The following LARGE1 variants were observed in gnomAD, a reference collection of about 807,000 sequenced individuals.
LARGE1 encodes xylosyl- and glucuronyltransferase LARGE1.
A neutral mutation model predicts 87.6 loss-of-function variants in LARGE1; 43 were observed. The ratio of observed to expected loss-of-function variants is 0.49; its 90% CI spans 0.38 to 0.63. The LOEUF (loss-of-function observed/expected upper bound fraction) is 0.63. LARGE1 is among the 30% of genes least tolerant of loss of function. The pLI is 0.00. For missense variants in LARGE1, 802 were observed against 1,000.2 expected (o/e 0.80, Z 2.67); for synonymous variants, 434 against 394.6 (o/e 1.10, Z -1.18).
intron 9 of LARGE1, among the ~76,000 whole-genome samples, chr22:33,379,845 G>T (rs957513915): frequency 5.3e-5 from 8 of 152,224 alleles, no homozygotes; most frequent in Admixed American, 3.3e-4. Context: ...ATAAACTCAG[G>T]TATAACCCAA....
At chr22:33,308,709 A>C (rs1935219752) in intron 11 of LARGE1, among the ~76,000 whole-genome samples, 1 of 152,102 alleles carries the variant, frequency 6.6e-6, no homozygotes, top group Admixed American at 6.5e-5. Flanking sequence ...TAGCCAGACA[A>C]ACCCCCGAAA....
chr22:33,378,474 C>T (rs1306083722), intron 9 of LARGE1, among the ~76,000 whole-genome samples: 1 of 152,158 alleles, frequency 6.6e-6, no homozygotes. Context: ...TTCTTGTGGG[C>T]CTAAGGTCCT....
At chr22:33,847,201 T>C (rs1473142992) in intron 1 of LARGE1, among the ~76,000 whole-genome samples, 1 of 152,190 alleles carries the variant, frequency 6.6e-6, no homozygotes, top group African/African-American at 2.4e-5. Context: ...AGAACCTACG[T>C]GACTATCGGG....
At chr22:33,635,684 C>T (rs977370701) in intron 3 of LARGE1, among the ~76,000 whole-genome samples, 28 of 152,224 alleles carry the variant, frequency 1.8e-4, no homozygotes, top group Non-Finnish European at 1.9e-4. Context: ...GACAAAGTGA[C>T]GGGTTGAATT....
At chr22:33,446,262 A>T (rs2067683974) in intron 6 of LARGE1, among the ~76,000 whole-genome samples, 1 of 152,190 alleles carries the variant, frequency 6.6e-6, no homozygotes. Context: ...CATAGCTCAC[A>T]TCTCTTCCAT....
the LARGE1 span, among the ~76,000 whole-genome samples, chr22:33,091,559 CAAATAAATAAATAAAT>C: frequency 1.4e-5 from 2 of 140,586 alleles, no homozygotes; most frequent in East Asian, 2.1e-4. Flanking sequence ...GACTCCATCT[CAAATAAATAAATAAAT>C]AAATAAATAA....
At chr22:33,725,759 A>T (rs972261057) in intron 2 of LARGE1, 5 of 152,212 alleles carry the variant, frequency 3.3e-5, no homozygotes, top group African/African-American at 4.8e-5. Flanking sequence ...TATATACAGT[A>T]AGCACCAAAT....
chr22:33,345,275 T>G (rs886140612), intron 9 of LARGE1, among the ~76,000 whole-genome samples: 2 of 152,118 alleles, frequency 1.3e-5, no homozygotes, highest in Non-Finnish European at 2.9e-5. Flanking sequence ...AGCTAGAAAG[T>G]AGGAGAGTCA....
intron 10 of LARGE1, among the ~76,000 whole-genome samples, chr22:33,319,624 G>A (rs560383258): frequency 6.6e-6 from 1 of 152,240 alleles, no homozygotes; most frequent in South Asian, 2.1e-4. Flanking sequence ...TTGAACTCCT[G>A]ACCTCAGGCA....
chr22:33,412,516 T>A lies in LARGE1; in HGVS notation c.892+19645A>T, dbSNP rs533322422. 2.2e-4 allele frequency among the ~76,000 whole-genome samples: 33 copies of A among 152,246 alleles called. 1 individual carries two copies. In the South Asian group the frequency reaches 6.8e-3, roughly 32 times the overall value. ...GCATGGCATTCCCGCCATACAGACA[T>A]GGCAGACGCAAACAACCTTAGAAGC... is the stretch of plus-strand genomic sequence containing the variant. On this transcript the variant is annotated intron_variant, in intron 7 of 14. Coordinates refer to ENST00000397394, the MANE Select transcript of LARGE1 (RefSeq NM_133642.5).
intron 11 of LARGE1, among the ~76,000 whole-genome samples, chr22:33,220,700 A>G (rs1280696194): frequency 2.0e-5 from 3 of 152,168 alleles, no homozygotes; most frequent in Non-Finnish European, 2.9e-5. Flanking sequence ...CCCATTGACT[A>G]CTGGGAGTCT....
At chr22:33,837,281 C>T (rs2063137979) in intron 1 of LARGE1, among the ~76,000 whole-genome samples, 1 of 143,488 alleles carries the variant, frequency 7.0e-6, no homozygotes, top group African/African-American at 2.5e-5. Flanking sequence ...CACACACACA[C>T]CTATACATAC....
At chr22:33,205,843 G>A (rs1157729346) in intron 11 of LARGE1, among the ~76,000 whole-genome samples, 2 of 151,784 alleles carry the variant, frequency 1.3e-5, no homozygotes, top group Non-Finnish European at 2.9e-5. Flanking sequence ...GCAATGGCCC[G>A]ATCTCTGCTC....
In LARGE1 at chr22:33,333,740, A is replaced by C. The variant is rs528696074; in HGVS notation, c.1287+3906T>G. ...ACAGTACAAAGTCTTTAAGAGTCTTATGTTTTGGTATTACATTTATGAAAA... is the reference window on the plus strand; with the variant it reads ...ACAGTACAAAGTCTTTAAGAGTCTTCTGTTTTGGTATTACATTTATGAAAA... On this transcript the variant is annotated intron_variant, in intron 10 of 14. Transcript: ENST00000397394. Among the ~76,000 whole-genome samples, 4 of 152,294 alleles carry C rather than the reference A, an allele frequency of 2.6e-5. No individual in the cohort carries two copies. The East Asian group carries it at 5.8e-4, about 22-fold the overall frequency.
intron 10 of LARGE1, among the ~76,000 whole-genome samples, chr22:33,332,182 T>C (rs1937804563): frequency 6.6e-6 from 1 of 152,160 alleles, no homozygotes; most frequent in African/African-American, 2.4e-5. Context: ...CTCCCATAAT[T>C]GCTACATGTT....
chr22:33,511,594 C>T lies in LARGE1; in HGVS notation c.787+53254G>A, dbSNP rs142844101. On this transcript the variant is annotated intron_variant, in intron 6 of 14. Coordinates refer to ENST00000397394, the MANE Select transcript of LARGE1 (RefSeq NM_133642.5). ...CCCCAGCAGCTGTGATGTTTGCAGACCCTATGACAGGGATGGAGAGCTTTA... is the reference window on the plus strand; with the variant it reads ...CCCCAGCAGCTGTGATGTTTGCAGATCCTATGACAGGGATGGAGAGCTTTA... 1.1e-4 allele frequency among the ~76,000 whole-genome samples: 17 copies of T among 152,236 alleles called. No individual in the cohort carries two copies. In the East Asian group the frequency reaches 3.1e-3, roughly 28 times the overall value.
chr22:33,596,601 C>G (rs1199582245), intron 5 of LARGE1, among the ~76,000 whole-genome samples: 1 of 152,198 alleles, frequency 6.6e-6, no homozygotes, highest in Non-Finnish European at 1.5e-5. Context: ...GAGCATACAT[C>G]CATCAACTAT....
In LARGE1 at chr22:33,632,951, C is replaced by T. The variant is rs541943045; in HGVS notation, c.409-6625G>A. ...TTCCTGTCATCCTAGACATGGTACC[C>T]AGCACACTTTGAATCTTGCAGGCTG... On this transcript the variant is annotated intron_variant, in intron 3 of 14. Transcript: ENST00000397394. Among the ~76,000 whole-genome samples the T allele has an allele frequency of 1.1e-4, 17 of 152,280 alleles. No homozygotes were observed. In the South Asian group the frequency reaches 3.5e-3, roughly 32 times the overall value.
rs137963833 is a variant in LARGE1 at position 33,336,566 on chromosome 22, C to T, written c.1287+1080G>A. ...GAAGCACAGAGGTTGAGTCACTTATCTGAGATCACACAGGTAGTAACTGGA... is the reference window on the plus strand; with the variant it reads ...GAAGCACAGAGGTTGAGTCACTTATTTGAGATCACACAGGTAGTAACTGGA... On this transcript the variant is annotated intron_variant, in intron 10 of 14. Coordinates refer to ENST00000397394, the MANE Select transcript of LARGE1 (RefSeq NM_133642.5). 2.8e-3 allele frequency among the ~76,000 whole-genome samples: 432 copies of T among 152,234 alleles called. 1 individual carries two copies. Among genetic ancestry groups the T allele is most frequent in the Non-Finnish European group, 4.7e-3 (322 of 68,020 alleles).
Sources: gnomAD v4.1 joint callset for allele counts (sites outside exome capture counted in the v4.1 genomes callset) on GRCh38, gnomAD v4.1.1 for gene constraint, MANE v1.5 for transcripts, NCBI Gene and HGNC (gene_info 2026-07-23, HGNC 2026-07-21) for gene names.